The following LRBA variants were observed in gnomAD, a reference collection of about 807,000 sequenced individuals.
LRBA encodes the protein LPS responsive beige-like anchor protein.
Under a neutral mutation model 330.0 loss-of-function variants are expected in LRBA, and 176 were observed. That is an observed-to-expected ratio of 0.53 (90% CI 0.47 to 0.60). LRBA has a LOEUF of 0.60. Ranked by LOEUF, LRBA falls within the 20% of genes least tolerant of loss-of-function variation. LRBA has a pLI of 0.00. For missense variants in LRBA, 3,259 were observed against 3,444.8 expected (o/e 0.95, Z 1.35); for synonymous variants, 1,230 against 1,193.0 (o/e 1.03, Z -0.64).
chr4:150,360,636 C>A (rs1738557234), intron 47 of LRBA, among the ~76,000 whole-genome samples: 1 of 152,180 alleles, frequency 6.6e-6, no homozygotes. Context: ...TTAAAATACA[C>A]CTTATCTTAC....
At chr4:150,789,634 T>C (rs1739605606) in intron 34 of LRBA, among the ~76,000 whole-genome samples, 1 of 152,156 alleles carries the variant, frequency 6.6e-6, no homozygotes, top group Non-Finnish European at 1.5e-5. Context: ...TTAAATTATA[T>C]ACTATTCATC....
chr4:150,996,680 A>T (rs1742678331), intron 2 of LRBA, among the ~76,000 whole-genome samples: 1 of 152,236 alleles, frequency 6.6e-6, no homozygotes, highest in African/African-American at 2.4e-5. Context: ...GTTTCTAATT[A>T]TCATAACCTA....
At chr4:150,812,547 C>G (rs1394971071) in intron 31 of LRBA, among the ~76,000 whole-genome samples, 1 of 152,234 alleles carries the variant, frequency 6.6e-6, no homozygotes, top group African/African-American at 2.4e-5. Context: ...GTTAATTCAG[C>G]CTGGGATAGT....
At chr4:150,549,420 C>T (rs985900580) in intron 40 of LRBA, among the ~76,000 whole-genome samples, 1 of 152,002 alleles carries the variant, frequency 6.6e-6, no homozygotes, top group Admixed American at 6.5e-5. Context: ...CAAGCTCCGC[C>T]TCCCGGGTTC....
intron 44 of LRBA, among the ~76,000 whole-genome samples, chr4:150,441,265 C>A (rs1437693593): frequency 6.6e-6 from 1 of 152,028 alleles, no homozygotes. Context: ...AGGATAAGAA[C>A]ATATAGTACT....
rs1019604690 is a variant in LRBA, at chr4:150,690,353, A to G, written c.5755-6636T>C. On this transcript the variant is annotated intron_variant, in intron 36 of 56. Coordinates refer to ENST00000651943, the MANE Select transcript of LRBA (RefSeq NM_001364905.1). ...CCCATCTCTACTAAAATACAAAAAA[A>G]GTAGTTTGGCATGGTGGCACACGCC... Among the ~76,000 whole-genome samples the G allele has an allele frequency of 2.0e-5, 3 of 152,126 alleles. No homozygotes were observed. The East Asian group carries it at 5.8e-4, about 29-fold the overall frequency.
chr4:150,734,438 G>A (rs544168405), intron 36 of LRBA, among the ~76,000 whole-genome samples: 1 of 151,974 alleles, frequency 6.6e-6, no homozygotes, highest in Non-Finnish European at 1.5e-5. Flanking sequence ...ATAATTTTCA[G>A]ATTTGCTGGT....
chr4:151,009,024 TATAA>T (rs1391220589), intron 2 of LRBA, among the ~76,000 whole-genome samples: 851 of 16,752 alleles, frequency 0.051, 139 homozygotes, highest in African/African-American at 0.071. Flanking sequence ...TATATATATA[TATAA>T]AATGGTATTT....
At chr4:150,310,447 G>C in intron 51 of LRBA, 63 bp from the exon 52 acceptor site, 1 of 1,099,546 alleles carries the variant, frequency 9.1e-7, no homozygotes, top group Non-Finnish European at 1.4e-6. Flanking sequence ...TCTATAGTGA[G>C]GGAGAAGAGG....
chr4:150,518,969 C>T (rs1762642919), intron 40 of LRBA, among the ~76,000 whole-genome samples: 1 of 152,160 alleles, frequency 6.6e-6, no homozygotes, highest in Non-Finnish European at 1.5e-5. Context: ...CTGCCACAAA[C>T]ATTAATAGTC....
At chr4:150,540,445 T>C (rs1765196804) in intron 40 of LRBA, among the ~76,000 whole-genome samples, 1 of 152,144 alleles carries the variant, frequency 6.6e-6, no homozygotes, top group Non-Finnish European at 1.5e-5. Context: ...TCCGCCTGCC[T>C]CAGCCTCTCA....
chr4:150,683,587 G>C lies in LRBA; in HGVS notation c.5885C>G (p.Thr1962Arg). 6.2e-7 allele frequency: 1 copy of C among 1,613,902 alleles called. No homozygotes were observed. Among genetic ancestry groups the C allele is most frequent in the Non-Finnish European group, 8.5e-7 (1 of 1,179,892 alleles). ...ATTTCCCCAGGCTCCATGCTTGTCT[G>C]TGAGAATGTTGATAATTTTCTGGAT... is the stretch of plus-strand genomic sequence containing the variant. ...QLIQKIINIL[T>R]DKHGAWGNSA... Residue 1962 changes from threonine (T) to arginine (R), a missense_variant, in exon 37 of 57, where the codon ACA becomes AGA. Coordinates refer to ENST00000651943, the MANE Select transcript of LRBA (RefSeq NM_001364905.1).
intron 37 of LRBA, among the ~76,000 whole-genome samples, chr4:150,612,630 C>A (rs985412800): frequency 1.3e-5 from 2 of 152,086 alleles, no homozygotes; most frequent in South Asian, 4.1e-4. Context: ...TTCTCAATGA[C>A]CATCTCTACT....
At chr4:150,582,145 C>T (rs1004161290) in intron 40 of LRBA, 1 of 152,044 alleles carries the variant, frequency 6.6e-6, no homozygotes, top group African/African-American at 2.4e-5. Flanking sequence ...GTTATAACTA[C>T]ACCCCAGATG....
chr4:150,618,049 G>A, intron 37 of LRBA, among the ~76,000 whole-genome samples: 1 of 152,024 alleles, frequency 6.6e-6, no homozygotes, highest in East Asian at 1.9e-4. Flanking sequence ...AGGCTGCAGT[G>A]AGGCATGATC....
intron 32 of LRBA, among the ~76,000 whole-genome samples, 169 bp from the exon 33 acceptor site, chr4:150,806,573 C>T (rs536556303): frequency 5.9e-5 from 9 of 152,044 alleles, no homozygotes; most frequent in South Asian, 2.1e-4. Context: ...CAAAAATATT[C>T]GTTTTTATCC....
intron 37 of LRBA, among the ~76,000 whole-genome samples, chr4:150,636,950 A>C (rs535331773): frequency 6.6e-6 from 1 of 152,238 alleles, no homozygotes; most frequent in South Asian, 2.1e-4. Flanking sequence ...ACCTGGCTTA[A>C]GTTTATTTTT....
At chr4:150,314,515 G>T (rs898681431) in intron 51 of LRBA, among the ~76,000 whole-genome samples, 6 of 152,012 alleles carry the variant, frequency 3.9e-5, no homozygotes, top group Non-Finnish European at 7.4e-5. Context: ...GACAAAAATG[G>T]TAACTATATA....
chr4:150,935,353 T>TA (rs1477689360), intron 2 of LRBA, among the ~76,000 whole-genome samples: 3 of 152,082 alleles, frequency 2.0e-5, no homozygotes, highest in Non-Finnish European at 4.4e-5. Context: ...TAAATACCTA[T>TA]AATATCTAAC....
Sources: allele counts gnomAD v4.1 joint callset (sites outside exome capture counted in the v4.1 genomes callset), GRCh38; gene constraint gnomAD v4.1.1; transcripts MANE v1.5; gene names NCBI Gene and HGNC (gene_info 2026-07-23, HGNC 2026-07-21).